Variants in RBM23 observed in about 807,000 individuals in gnomAD.
The protein encoded by RBM23 is RNA binding motif protein 23.
RBM23 carries 53 observed loss-of-function variants against 56.2 expected under a neutral mutation model. The ratio of observed to expected loss-of-function variants is 0.94; its 90% CI spans 0.76 to 1.19. The LOEUF is 1.19. Ranked by LOEUF, RBM23 falls within the 50% of genes most tolerant of loss-of-function variation. The pLI is 0.00. For synonymous variants in RBM23, 197 were observed against 198.5 expected (o/e 0.99, Z 0.06); for missense variants, 642 against 590.3 (o/e 1.09, Z -0.91).
rs1333465917 is a variant in RBM23, at chr14:22,908,694, G to A, written c.180-314C>T. 3.0e-5 allele frequency: 7 copies of A among 234,734 alleles called. No homozygotes were observed. In the East Asian group the frequency reaches 5.4e-4, roughly 18 times the overall value. The allele number at this position is 234,734 out of a possible 1,614,324, so 14.5% of individuals were successfully genotyped here. Reference sequence around the variant, plus strand: ...CATGCATGAGCCCCGCGTGAGCACCGCGCCAGGTCAGGAGTGTAAATTCTT... The same window carrying A: ...CATGCATGAGCCCCGCGTGAGCACCACGCCAGGTCAGGAGTGTAAATTCTT... On this transcript the variant is annotated intron_variant, in intron 3 of 13. Coordinates refer to ENST00000359890, the MANE Select transcript of RBM23 (RefSeq NM_001077351.2).
At chr14:22,904,522 C>CT (rs748999632) in intron 9 of RBM23, among the ~76,000 whole-genome samples, 196 bp from the exon 10 acceptor site, 298 of 140,556 alleles carry the variant, frequency 2.1e-3, no homozygotes, top group East Asian at 4.1e-3. Flanking sequence ...AAAAGGTGGA[C>CT]TTTTTTTTTT....
rs1430282343 is a variant in RBM23 at position 22,900,538 on chromosome 14, A to G, written c.*1192T>C. 1 of 152,224 alleles carries G rather than the reference A, an allele frequency of 6.6e-6. No individual in the cohort carries two copies. Among genetic ancestry groups the G allele is most frequent in the Non-Finnish European group, 1.5e-5 (1 of 68,044 alleles). 9.4% of individuals were successfully genotyped at this position (152,224 alleles called of 1,614,324 possible). ...AGATAGTTAGGATGAAGATAGATGG[A>G]GAAGACAACCATAGATCAACAGTGT... On this transcript the variant is annotated 3_prime_UTR_variant, in exon 14 of 14. Coordinates refer to ENST00000359890, the MANE Select transcript of RBM23 (RefSeq NM_001077351.2).
chr14:22,905,440 T>C lies in RBM23; in HGVS notation c.469A>G (p.Asn157Asp). 1 of 1,614,160 alleles carries C rather than the reference T, an allele frequency of 6.2e-7. No homozygotes were observed. The highest frequency in any genetic ancestry group is 8.5e-7 in the Non-Finnish European group (1 of 1,180,022). The part of the protein sequence containing the change: ...EKSPVREPVD[N>D]LSPEERDART... ...GCATCACGCTCCTCAGGACTCAGAT[T>C]ATCAACTGGCTCCCTGAAGAGTGAA... Residue 157 changes from asparagine (N) to aspartate (D), a missense_variant, in exon 7 of 14, where the codon AAT (asparagine) becomes GAT (aspartate). Physicochemically the swap from Asn to Asp is conservative, Grantham distance 23. Coordinates refer to ENST00000359890, the MANE Select transcript of RBM23 (RefSeq NM_001077351.2).
intron 2 of RBM23, among the ~76,000 whole-genome samples, chr14:22,910,020 G>C (rs999833697): frequency 3.3e-5 from 5 of 151,836 alleles, no homozygotes; most frequent in African/African-American, 1.2e-4. Flanking sequence ...AGGCATAGTG[G>C]CACACGCCTG....
At chr14:22,907,732 T>C (rs2041813392) in intron 4 of RBM23, among the ~76,000 whole-genome samples, 1 of 152,226 alleles carries the variant, frequency 6.6e-6, no homozygotes, top group Non-Finnish European at 1.5e-5. Flanking sequence ...AGGCTGGTCC[T>C]TCAGAAGGTG....
In RBM23 at chr14:22,897,188, C is replaced by A. The variant is rs572783384; in HGVS notation, c.*4542G>T. Reference sequence around the variant, plus strand: ...AACAGCATTCATTCAATTCTACAGACATTTAATATGTGCAAGGCAAAGCAA... The same window carrying A: ...AACAGCATTCATTCAATTCTACAGAAATTTAATATGTGCAAGGCAAAGCAA... On this transcript the variant is annotated 3_prime_UTR_variant, in exon 14 of 14. Coordinates refer to ENST00000359890, the MANE Select transcript of RBM23 (RefSeq NM_001077351.2). 2.0e-5 allele frequency: 3 copies of A among 152,334 alleles called. No homozygotes were observed. The South Asian group carries it at 6.2e-4, about 32-fold the overall frequency. The allele number at this position is 152,334 out of a possible 1,614,324, so 9.4% of individuals were successfully genotyped here.
At position 22,905,167 on chromosome 14, in the gene RBM23, T is replaced by C; in HGVS notation, c.653A>G (p.Gln218Arg). 1 of 1,614,226 alleles carries C rather than the reference T, an allele frequency of 6.2e-7. No individual in the cohort carries two copies. The highest frequency in any genetic ancestry group is 1.1e-5 in the South Asian group (1 of 91,082). ...GIAYVEFCEI[Q>R]SVPLAIGLTG... ...CAGCCCAATGGCCAGTGGCACAGAC[T>C]GGATTTCACAGAATTCCACGTAGGC... The change falls in exon 8 of 14, where the codon CAG becomes CGG. Residue 218 changes from glutamine to arginine, a missense_variant. Coordinates refer to ENST00000359890, the MANE Select transcript of RBM23 (RefSeq NM_001077351.2).
rs576463132 is a variant in RBM23, at chr14:22,902,049, C to CGGT, written c.1176_1177insACC (p.Ala392_Ala393insThr). ...TTCAGTTGCAAGGCAGCAGCCTGGGCGGCGGCGGCAGCAGCAGCAGCAGCA... is the reference window on the plus strand; with the variant it reads ...TTCAGTTGCAAGGCAGCAGCCTGGGCGGTGGCGGCGGCAGCAGCAGCAGCAGCA... On this transcript the variant is annotated inframe_insertion, in exon 12 of 14. Coordinates refer to ENST00000359890, the MANE Select transcript of RBM23 (RefSeq NM_001077351.2). 7 of 1,603,912 alleles carry CGGT rather than the reference C, an allele frequency of 4.4e-6. No individual in the cohort carries two copies. Among genetic ancestry groups the CGGT allele is most frequent in the Middle Eastern group, 1.7e-4 (1 of 6,024 alleles).
In RBM23 at chr14:22,903,949, C is replaced by T. The variant is rs1039823309; in HGVS notation, c.930+312G>A. 59 of 1,302,268 alleles carry T rather than the reference C, an allele frequency of 4.5e-5. 1 individual carries two copies. Among genetic ancestry groups the T allele is most frequent in the Non-Finnish European group, 5.4e-5 (55 of 1,017,830 alleles). 80.7% of individuals were successfully genotyped at this position (1,302,268 alleles called of 1,614,324 possible). A position where few individuals can be genotyped will look rare whatever the true frequency, so the allele number is the denominator to read the frequency against. ...ATGTCTTTAAAAGCCCATACCTAACCTCCCTCACACCCCCAACCTTTTAGC... is the reference window on the plus strand; with the variant it reads ...ATGTCTTTAAAAGCCCATACCTAACTTCCCTCACACCCCCAACCTTTTAGC... On this transcript the variant is annotated intron_variant, in intron 10 of 13. Coordinates refer to ENST00000359890, the MANE Select transcript of RBM23 (RefSeq NM_001077351.2).
At position 22,894,897 on chromosome 14, in the gene RBM23, G is replaced by A. The variant is rs182793305; in HGVS notation, c.*6833C>T. On this transcript the variant is annotated 3_prime_UTR_variant, in exon 14 of 14. Coordinates refer to ENST00000359890, the MANE Select transcript of RBM23 (RefSeq NM_001077351.2). ...TACTAAAAAATACAAAAAATTAGCCGGGCATAGTGGCAGGTGCCTGTAGTC... is the reference window on the plus strand; with the variant it reads ...TACTAAAAAATACAAAAAATTAGCCAGGCATAGTGGCAGGTGCCTGTAGTC... 0.013 allele frequency: 1,909 copies of A among 151,854 alleles called. 11 individuals are homozygous for A. Among genetic ancestry groups the A allele is most frequent in the Non-Finnish European group, 0.02 (1,372 of 67,952 alleles). 9.4% of individuals were successfully genotyped at this position (151,854 alleles called of 1,614,324 possible). A position where few individuals can be genotyped will look rare whatever the true frequency, so the allele number is the denominator to read the frequency against.
intron 1 of RBM23, 22 bp downstream of exon 1, chr14:22,918,977 A>T (rs2044113751): frequency 6.6e-6 from 1 of 151,898 alleles, no homozygotes; most frequent in Non-Finnish European, 1.5e-5. Flanking sequence ...TCTGGTGGGG[A>T]CCGGGTTTTG....
chr14:22,908,238 T>C, intron 4 of RBM23, 95 bp downstream of exon 4: 4 of 1,395,802 alleles, frequency 2.9e-6, no homozygotes, highest in Middle Eastern at 3.7e-4. Context: ...CCAGGCTGGT[T>C]TTGAACTCCT....
rs779795050 is a variant in RBM23, at chr14:22,902,273, G to A, written c.1040C>T (p.Thr347Ile). Residue 347 changes from threonine to isoleucine, a missense_variant, in exon 11 of 14, where the codon ACA becomes ATA. Thr to Ile is a moderately conservative substitution (Grantham distance 89). Transcript: ENST00000359890. ...GHVTERLDGG[T>I]DITFPDGDQE... is the part of the protein sequence containing the mutation. ...GTCCCCATCAGGAAAAGTGATGTCTGTGCCACCATCCAGTCGCTCAGTCAC... is the reference window on the plus strand; with the variant it reads ...GTCCCCATCAGGAAAAGTGATGTCTATGCCACCATCCAGTCGCTCAGTCAC... 3 of 1,614,162 alleles carry A rather than the reference G, an allele frequency of 1.9e-6. No individual in the cohort carries two copies. The highest frequency in any genetic ancestry group is 2.7e-5 in the African/African-American group (2 of 75,034).
chr14:22,911,776 T>C (rs2042568996), intron 1 of RBM23: 2 of 159,672 alleles, frequency 1.3e-5, no homozygotes, highest in South Asian at 3.4e-4. Context: ...CTGGGTGTGG[T>C]GGCACACACC....
At chr14:22,912,493 C>T (rs914731216) in intron 1 of RBM23, among the ~76,000 whole-genome samples, 2 of 152,148 alleles carry the variant, frequency 1.3e-5, no homozygotes, top group Non-Finnish European at 2.9e-5. Context: ...TGCCTCTCCC[C>T]AGGCTGTCTA....
At chr14:22,904,393 G>T in intron 9 of RBM23, 67 bp from the exon 10 acceptor site, 5 of 1,179,174 alleles carry the variant, frequency 4.2e-6, no homozygotes, top group Non-Finnish European at 6.1e-6. Context: ...TTCCTACCCA[G>T]ACTGCTTTTT....
intron 4 of RBM23, among the ~76,000 whole-genome samples, chr14:22,906,824 A>C (rs1478997544): frequency 6.6e-6 from 1 of 152,204 alleles, no homozygotes; most frequent in Non-Finnish European, 1.5e-5. Flanking sequence ...AGATCACCTG[A>C]GGTCGAGAGT....
At chr14:22,918,925 C>G (rs554419866) in intron 1 of RBM23, 74 bp downstream of exon 1, 2 of 152,222 alleles carry the variant, frequency 1.3e-5, no homozygotes, top group Admixed American at 6.5e-5. Flanking sequence ...CCCGTGACGT[C>G]AGGGGGGAGG....
intron 5 of RBM23, 108 bp downstream of exon 5, chr14:22,906,087 G>C: frequency 7.8e-7 from 1 of 1,288,236 alleles, no homozygotes; most frequent in African/African-American, 1.5e-5. Context: ...TGAGTATCCT[G>C]CCAATCACAA....
Sources: allele counts gnomAD v4.1 joint callset (sites outside exome capture counted in the v4.1 genomes callset), GRCh38; gene constraint gnomAD v4.1.1; transcripts MANE v1.5; gene names NCBI Gene and HGNC (gene_info 2026-07-23, HGNC 2026-07-21).